IL33: variants seen among roughly 807,000 people sequenced by gnomAD.
IL33 encodes the protein interleukin-33.
A neutral mutation model predicts 27.3 loss-of-function variants in IL33; 37 were observed. The ratio of observed to expected loss-of-function variants is 1.36; its 90% CI spans 1.04 to 1.78. IL33 has a LOEUF of 1.78. Among genes scored for constraint, IL33 ranks in the 40% most tolerant of loss-of-function variants. IL33 has a pLI of 0.00. For missense variants in IL33, 406 were observed against 311.4 expected (o/e 1.30, Z -2.29); for synonymous variants, 132 against 102.9 (o/e 1.28, Z -1.71).
rs138991546 is a variant in IL33, at chr9:6,252,056, C to CAAA, written c.343+798_343+800dup. 1.5e-3 allele frequency among the ~76,000 whole-genome samples: 177 copies of CAAA among 114,314 alleles called. 13 individuals carry two copies. Among genetic ancestry groups the CAAA allele is most frequent in the African/African-American group, 5.8e-3 (173 of 29,928 alleles). 75.0% of individuals were successfully genotyped at this position (114,314 alleles called of 152,430 possible). ...CTCAGAAAAAAAACAAACAAACAAA[C>CAAA]AAAAAAAAACCCAACAAAAAACAAA... On this transcript the variant is annotated intron_variant, in intron 4 of 7. Transcript: ENST00000682010.
At chr9:6,252,255 T>A (rs774572246) in intron 4 of IL33, among the ~76,000 whole-genome samples, 2 of 152,084 alleles carry the variant, frequency 1.3e-5, no homozygotes, top group African/African-American at 2.4e-5. Context: ...TTCTCCTTAA[T>A]ATTTTGTATA....
At chr9:6,217,413 CA>C (rs1445748527) in intron 1 of IL33, among the ~76,000 whole-genome samples, 1 of 152,002 alleles carries the variant, frequency 6.6e-6, no homozygotes, top group African/African-American at 2.4e-5. Flanking sequence ...TCATTTAAAC[CA>C]TACCCTAAAT....
intron 2 of IL33, 92 bp from the exon 3 acceptor site, chr9:6,250,382 G>C (rs1816277637): frequency 7.1e-7 from 1 of 1,400,996 alleles, no homozygotes; most frequent in Non-Finnish European, 9.8e-7. Flanking sequence ...CTGTGAACCT[G>C]TACTTGCTTT....
chr9:6,237,707 AT>A (rs1017150207), intron 1 of IL33, among the ~76,000 whole-genome samples: 2 of 152,218 alleles, frequency 1.3e-5, no homozygotes, highest in Non-Finnish European at 2.9e-5. Flanking sequence ...AGATTGGAAC[AT>A]TTCCCATATT....
intron 1 of IL33, among the ~76,000 whole-genome samples, chr9:6,240,681 A>G (rs553083679): frequency 5.2e-4 from 79 of 152,358 alleles, no homozygotes; most frequent in Non-Finnish European, 1.0e-3. Flanking sequence ...GTGAATGTGA[A>G]GGCGTAGGTC....
chr9:6,254,555 T>TA lies in IL33; in HGVS notation c.612+14dup, dbSNP rs113609242. 0.067 allele frequency: 83,208 copies of TA among 1,233,558 alleles called. 3,086 individuals carry two copies. Among genetic ancestry groups the TA allele is most frequent in the African/African-American group, 0.34 (22,257 of 65,748 alleles). 76.4% of individuals were successfully genotyped at this position (1,233,558 alleles called of 1,614,324 possible). ...AACAACAAGGAACACTCTGTGGAGG[T>TA]AAAAAAAAAAAATTTATCTATATCT... On this transcript the variant is annotated splice_region_variant and intron_variant, in intron 7 of 7. Transcript: ENST00000682010.
intron 1 of IL33, among the ~76,000 whole-genome samples, chr9:6,228,888 GA>G (rs994171851): frequency 1.5e-5 from 2 of 137,886 alleles, no homozygotes; most frequent in African/African-American, 5.0e-5. Context: ...GGGTACTAAA[GA>G]AAAAAACAAG....
Position 6,256,370 on chromosome 9 carries a change from C to A in IL33, c.*202C>A. ...ATTTCCCTCTGTATAACTGCATCTT[C>A]AATACAAGTATCAGTATATTAAATA... is the stretch of plus-strand genomic sequence containing the variant. On this transcript the variant is annotated 3_prime_UTR_variant, in exon 8 of 8. Transcript: ENST00000682010. The A allele has an allele frequency of 1.8e-6, 1 of 564,438 alleles. No individual in the cohort carries two copies. Among genetic ancestry groups the A allele is most frequent in the South Asian group, 2.6e-5 (1 of 38,240 alleles). 35.0% of individuals were successfully genotyped at this position (564,438 alleles called of 1,614,324 possible). A position where few individuals can be genotyped will look rare whatever the true frequency, so the allele number is the denominator to read the frequency against.
chr9:6,241,703 T>C lies in IL33; in HGVS notation c.9T>C (p.Pro3=). Residue 3 remains proline, a synonymous_variant, in exon 2 of 8, where the codon CCT becomes CCC. Coordinates refer to ENST00000682010, the MANE Select transcript of IL33 (RefSeq NM_033439.4). ...CAACAGAATACTGAAAAATGAAGCC[T>C]AAAATGAAGTATTCAACCAACAAAA... The part of the protein sequence containing the change: MK[P]KMKYSTNKIS... 6.2e-7 allele frequency: 1 copy of C among 1,604,454 alleles called. No individual in the cohort carries two copies. Among genetic ancestry groups the C allele is most frequent in the East Asian group, 2.2e-5 (1 of 44,648 alleles).
chr9:6,217,388 G>A (rs1818192095), intron 1 of IL33, among the ~76,000 whole-genome samples: 1 of 151,868 alleles, frequency 6.6e-6, no homozygotes, highest in Admixed American at 6.6e-5. Flanking sequence ...GTTTACTTTT[G>A]GTGAAGGGTT....
chr9:6,253,535 T>C lies in IL33; in HGVS notation c.470-17T>C, dbSNP rs1234489844. 4 of 1,587,138 alleles carry C rather than the reference T, an allele frequency of 2.5e-6. No individual in the cohort carries two copies. Among genetic ancestry groups the C allele is most frequent in the Admixed American group, 1.7e-5 (1 of 57,960 alleles). ...AAATTGTGTCTCACCAGAGGGATTT[T>C]ATGCATTCTCTTTCAGATAAGGTGT... On this transcript the variant is annotated splice_polypyrimidine_tract_variant and intron_variant, in intron 5 of 7. Transcript: ENST00000682010.
chr9:6,218,306 C>T (rs1324912629), intron 1 of IL33, among the ~76,000 whole-genome samples: 2 of 152,104 alleles, frequency 1.3e-5, no homozygotes, highest in Non-Finnish European at 2.9e-5. Context: ...ACAGTATCTA[C>T]AGCCAGAAAG....
intron 1 of IL33, among the ~76,000 whole-genome samples, chr9:6,237,886 TTATC>T (rs1216887320): frequency 6.6e-6 from 1 of 152,220 alleles, no homozygotes; most frequent in Non-Finnish European, 1.5e-5. Flanking sequence ...TGTTACTTCA[TTATC>T]TACTGTGTGC....
intron 3 of IL33, 76 bp downstream of exon 3, chr9:6,250,675 A>G: frequency 1.3e-6 from 2 of 1,496,908 alleles, no homozygotes; most frequent in Non-Finnish European, 1.8e-6. Flanking sequence ...TAAATATGCA[A>G]TTATTTTTCC....
chr9:6,224,793 C>G (rs557153816), intron 1 of IL33, among the ~76,000 whole-genome samples: 25 of 152,180 alleles, frequency 1.6e-4, no homozygotes, highest in African/African-American at 2.7e-4. Context: ...ATTACCTACC[C>G]TTGCAAACTG....
At chr9:6,251,088 T>A in intron 3 of IL33, 52 bp from the exon 4 acceptor site, 1 of 1,591,048 alleles carries the variant, frequency 6.3e-7, no homozygotes, top group Non-Finnish European at 8.6e-7. Flanking sequence ...CAAAGGGGCA[T>A]TTGTGCAGAG....
intron 1 of IL33, among the ~76,000 whole-genome samples, chr9:6,221,162 C>G (rs73396601): frequency 0.055 from 8,336 of 152,214 alleles, 374 homozygotes; most frequent in African/African-American, 0.11. Context: ...GTGACTATCT[C>G]CAGCTTCCTG....
At chr9:6,244,365 T>A (rs1819701968) in intron 2 of IL33, among the ~76,000 whole-genome samples, 1 of 152,206 alleles carries the variant, frequency 6.6e-6, no homozygotes, top group Non-Finnish European at 1.5e-5. Context: ...AGGAAATATG[T>A]ACCAAGACAC....
intron 1 of IL33, among the ~76,000 whole-genome samples, chr9:6,229,130 C>A (rs1408000085): frequency 6.6e-6 from 1 of 152,046 alleles, no homozygotes; most frequent in Admixed American, 6.6e-5. Flanking sequence ...GGAACCTGTA[C>A]AGGAGCACAG....
Sources: allele counts gnomAD v4.1 joint callset (sites outside exome capture counted in the v4.1 genomes callset), GRCh38; gene constraint gnomAD v4.1.1; transcripts MANE v1.5; gene names NCBI Gene and HGNC (gene_info 2026-07-23, HGNC 2026-07-21).